The following IL1RAPL2 variants were observed in gnomAD, a reference collection of about 807,000 sequenced individuals.
IL1RAPL2 encodes the protein interleukin 1 receptor accessory protein like 2, also known as X-linked interleukin-1 receptor accessory protein-like 2.
In IL1RAPL2, 3 loss-of-function variants were observed where a neutral mutation model predicts 44.1. The ratio of observed to expected loss-of-function variants is 0.07; its 90% CI spans 0.03 to 0.18. IL1RAPL2 has a LOEUF of 0.18. Ranked by LOEUF, IL1RAPL2 falls within the 10% of genes least tolerant of loss-of-function variation. The probability of loss-of-function intolerance (pLI) is 1.00; values close to 1 mark genes in which losing one functional copy is unlikely to be tolerated. For synonymous variants in IL1RAPL2, 181 were observed against 178.8 expected (o/e 1.01, Z -0.10); for missense variants, 391 against 496.4 (o/e 0.79, Z 2.02).
In IL1RAPL2 at chrX:105,012,645, T is replaced by TCTCTCA. The variant is rs1287477665; in HGVS notation, c.83-182829_83-182828insTCTCAC. On this transcript the variant is annotated intron_variant, in intron 2 of 10. Coordinates refer to ENST00000372582, the MANE Select transcript of IL1RAPL2 (RefSeq NM_017416.2). ...CTCTCTCTCTCTCTCTCTCTCTCTC[T>TCTCTCA]CACACACACACACACACACACACAC... Among the ~76,000 whole-genome samples the TCTCTCA allele has an allele frequency of 3.0e-3, 147 of 48,463 alleles. 1 individual carries two copies. The highest frequency in any genetic ancestry group is 7.5e-3 in the East Asian group (9 of 1,199). The allele number at this position is 48,463 out of a possible 115,157, so 42.1% of individuals were successfully genotyped here.
At chrX:104,776,471 C>A (rs1221059625) in intron 2 of IL1RAPL2, among the ~76,000 whole-genome samples, 1 of 111,924 alleles carries the variant, frequency 8.9e-6, no homozygotes, top group Non-Finnish European at 1.9e-5. Flanking sequence ...GTGCCTCAGT[C>A]TCCTTGTCTA....
rs187977461 is a variant in IL1RAPL2, at chrX:104,642,995, A to G, written c.-19-15900A>G. Among the ~76,000 whole-genome samples the G allele has an allele frequency of 3.6e-3, 403 of 112,026 alleles. 1 individual carries two copies. Among genetic ancestry groups the G allele is most frequent in the South Asian group, 6.7e-3 (18 of 2,698 alleles). On this transcript the variant is annotated intron_variant, in intron 1 of 10. Transcript: ENST00000372582. ...TCTGACTGTATTTTCTGAGATAGGT[A>G]ATTTTTAAAGGTTATTATATAAACT...
rs1194861093 is a variant in IL1RAPL2 at position 105,651,877 on chromosome X, CTAAT to C, written c.773-65487_773-65484del. 3.6e-5 allele frequency among the ~76,000 whole-genome samples: 4 copies of C among 112,110 alleles called. No individual in the cohort carries two copies. The East Asian group carries it at 8.4e-4, about 24-fold the overall frequency. On this transcript the variant is annotated intron_variant, in intron 6 of 10. Coordinates refer to ENST00000372582, the MANE Select transcript of IL1RAPL2 (RefSeq NM_017416.2). ...TTAGTGTTTTAAGCCAATTTAATAA[CTAAT>C]TATTGTTTTATAATTTCAAAATGTA... is the stretch of plus-strand genomic sequence containing the variant.
At chrX:105,447,153 A>ATG (rs2035965709) in intron 5 of IL1RAPL2, among the ~76,000 whole-genome samples, 1 of 54,659 alleles carries the variant, frequency 1.8e-5, no homozygotes, top group African/African-American at 7.8e-5. Flanking sequence ...AAATATATAT[A>ATG]AATATAAATA....
chrX:105,500,359 A>G (rs2036385202), intron 6 of IL1RAPL2, among the ~76,000 whole-genome samples: 1 of 111,145 alleles, frequency 9.0e-6, no homozygotes, highest in Non-Finnish European at 1.9e-5. Flanking sequence ...AAAAAAACCA[A>G]AAATACAAAA....
chrX:105,475,699 A>C (rs182504921), intron 5 of IL1RAPL2, among the ~76,000 whole-genome samples: 1,925 of 110,281 alleles, frequency 0.017, 16 homozygotes, highest in Non-Finnish European at 0.026. Flanking sequence ...AAAAAAAAAA[A>C]CAAAACTACC....
chrX:104,755,269 T>C (rs1470273109), intron 2 of IL1RAPL2, among the ~76,000 whole-genome samples: 1 of 110,743 alleles, frequency 9.0e-6, no homozygotes, highest in Admixed American at 9.6e-5. Flanking sequence ...CTTTTTTCAC[T>C]GATCTTGTGG....
intron 3 of IL1RAPL2, among the ~76,000 whole-genome samples, chrX:105,232,692 T>C (rs1337809099): frequency 8.9e-6 from 1 of 112,275 alleles, no homozygotes; most frequent in Non-Finnish European, 1.9e-5. Flanking sequence ...TTTGTATTTA[T>C]TTATATTTAT....
At chrX:105,332,933 A>G (rs938655684) in intron 5 of IL1RAPL2, among the ~76,000 whole-genome samples, 1 of 111,870 alleles carries the variant, frequency 8.9e-6, no homozygotes, top group Non-Finnish European at 1.9e-5. Context: ...TAGAATGTCC[A>G]TACTACTCAA....
chrX:105,113,983 A>T (rs2032827070), intron 2 of IL1RAPL2, among the ~76,000 whole-genome samples: 1 of 111,830 alleles, frequency 8.9e-6, no homozygotes, highest in African/African-American at 3.3e-5. Flanking sequence ...TGGGCATATT[A>T]AGTTCTCTGA....
At chrX:105,185,177 A>C (rs782712225) in intron 2 of IL1RAPL2, among the ~76,000 whole-genome samples, 8 of 111,946 alleles carry the variant, frequency 7.1e-5, no homozygotes, top group Non-Finnish European at 1.3e-4. Context: ...CTAAACTTGA[A>C]ATAAATAGTG....
intron 6 of IL1RAPL2, among the ~76,000 whole-genome samples, chrX:105,514,249 T>G (rs1395218551): frequency 9.0e-6 from 1 of 111,496 alleles, no homozygotes; most frequent in African/African-American, 3.3e-5. Context: ...AGTTTCAGAT[T>G]TACAAGCAAT....
At chrX:105,156,687 A>C (rs1171199646) in intron 2 of IL1RAPL2, among the ~76,000 whole-genome samples, 1 of 112,426 alleles carries the variant, frequency 8.9e-6, no homozygotes, top group Non-Finnish European at 1.9e-5. Flanking sequence ...TCATCTCAGA[A>C]GAAATTTGCT....
At chrX:104,637,802 CTGTGTG>C (rs1214767208) in intron 1 of IL1RAPL2, among the ~76,000 whole-genome samples, 3 of 88,576 alleles carry the variant, frequency 3.4e-5, no homozygotes, top group Non-Finnish European at 6.9e-5. Flanking sequence ...GTGTGTGTGT[CTGTGTG>C]TGTGTGTGTG....
At chrX:105,758,102 A>G (rs921618218) in intron 10 of IL1RAPL2, among the ~76,000 whole-genome samples, 1 of 111,198 alleles carries the variant, frequency 9.0e-6, no homozygotes, top group African/African-American at 3.3e-5. Context: ...TAGTTACAGT[A>G]TTATAAGCTG....
chrX:105,412,862 A>G (rs1306955868), intron 5 of IL1RAPL2, among the ~76,000 whole-genome samples: 1 of 112,326 alleles, frequency 8.9e-6, no homozygotes, highest in Non-Finnish European at 1.9e-5. Context: ...AGAAAAATAT[A>G]TTTGGAGTTT....
At chrX:104,683,735 C>T (rs749495292) in intron 2 of IL1RAPL2, among the ~76,000 whole-genome samples, 64 of 112,453 alleles carry the variant, frequency 5.7e-4, no homozygotes, top group Non-Finnish European at 9.2e-4. Flanking sequence ...ATCTTCTTGG[C>T]CACCTGGCTG....
intron 8 of IL1RAPL2, among the ~76,000 whole-genome samples, chrX:105,742,438 C>A (rs758942438): frequency 2.7e-5 from 3 of 111,330 alleles, no homozygotes; most frequent in Non-Finnish European, 5.7e-5. Context: ...ACAGAAATAA[C>A]CTTATTTGAG....
At chrX:104,914,370 T>C (rs1229934854) in intron 2 of IL1RAPL2, among the ~76,000 whole-genome samples, 3 of 111,597 alleles carry the variant, frequency 2.7e-5, no homozygotes, top group African/African-American at 9.8e-5. Flanking sequence ...TCAATGTTGT[T>C]TCTAAAAAAG....
Sources: allele counts gnomAD v4.1 joint callset (sites outside exome capture counted in the v4.1 genomes callset), GRCh38; gene constraint gnomAD v4.1.1; transcripts MANE v1.5; gene names NCBI Gene and HGNC (gene_info 2026-07-23, HGNC 2026-07-21).